BEND6: variants seen among roughly 807,000 people sequenced by gnomAD.
BEND6 encodes the protein BEN domain-containing protein 6.
BEND6 carries 24 observed loss-of-function variants against 31.8 expected under a neutral mutation model. That is an observed-to-expected ratio of 0.75 (90% confidence interval 0.55 to 1.06). BEND6 has a LOEUF of 1.06. Among genes scored for constraint, BEND6 ranks in the 50% least tolerant of loss-of-function variants. The probability of loss-of-function intolerance (pLI) is 0.00; values close to 1 mark genes in which losing one functional copy is unlikely to be tolerated. For synonymous variants in BEND6, 109 were observed against 114.6 expected, an observed-to-expected ratio of 0.95 and a Z score of 0.31; for missense variants, 294 against 327.4, an observed-to-expected ratio of 0.90 and a Z score of 0.79.
At chr6:57,014,072 G>T (rs1379458352) in intron 3 of BEND6, 1 of 155,008 alleles carries the variant, frequency 6.5e-6, no homozygotes, top group Admixed American at 6.5e-5. Flanking sequence ...TTGGATGAAA[G>T]AACATCAGTT....
chr6:57,000,049 G>A (rs1418042055), intron 3 of BEND6, among the ~76,000 whole-genome samples: 2 of 152,080 alleles, frequency 1.3e-5, no homozygotes, highest in Non-Finnish European at 2.9e-5. Flanking sequence ...GAGTGCCTCT[G>A]CCCGGCCGCC....
At chr6:57,021,941 T>C (rs1265131006) in intron 6 of BEND6, among the ~76,000 whole-genome samples, 1 of 152,190 alleles carries the variant, frequency 6.6e-6, no homozygotes, top group Admixed American at 6.5e-5. Context: ...GTGGTACTTC[T>C]GGCATCCGGT....
At position 57,018,431 on chromosome 6, in the gene BEND6, A is replaced by G; in HGVS notation, c.723A>G (p.Lys241=). ...NEVQEIIGVT[K]QLFPNTDDVS... ...ATTGGTTTTTTACAGGAGTAACAAA[A>G]CAATTATTTCCCAATACGGATGATG... The change falls in exon 6 of 7, where the codon AAA becomes AAG. Residue 241 remains lysine, a synonymous_variant. Coordinates refer to ENST00000370746, the MANE Select transcript of BEND6 (RefSeq NM_152731.3). 1 of 1,584,222 alleles carries G rather than the reference A, an allele frequency of 6.3e-7. No individual in the cohort carries two copies. The highest frequency in any genetic ancestry group is 2.3e-5 in the East Asian group (1 of 43,304).
chr6:56,972,691 A>G (rs1825731498), intron 1 of BEND6, among the ~76,000 whole-genome samples: 1 of 152,254 alleles, frequency 6.6e-6, no homozygotes, highest in Non-Finnish European at 1.5e-5. Context: ...TTAAGTTCTC[A>G]GTAGAAAACT....
chr6:57,017,275 A>G lies in BEND6; in HGVS notation c.588A>G (p.Leu196=). The change falls in exon 5 of 7, where the codon TTA becomes TTG. Residue 196 remains leucine (L), a synonymous_variant. Coordinates refer to ENST00000370746, the MANE Select transcript of BEND6 (RefSeq NM_152731.3). Reference sequence around the variant, plus strand: ...AGCCTCAGAAGTTTATTAATGATTTAATGCAAGTACTTTACACAAATGAAT... The same window carrying G: ...AGCCTCAGAAGTTTATTAATGATTTGATGCAAGTACTTTACACAAATGAAT... The part of the protein sequence containing the change: ...KSKPQKFIND[L]MQVLYTNEYM... 6.4e-7 allele frequency: 1 copy of G among 1,559,658 alleles called. No homozygotes were observed. Among genetic ancestry groups the G allele is most frequent in the Non-Finnish European group, 8.7e-7 (1 of 1,153,772 alleles).
At chr6:57,021,463 A>G (rs1272914552) in intron 6 of BEND6, among the ~76,000 whole-genome samples, 2 of 152,146 alleles carry the variant, frequency 1.3e-5, no homozygotes, top group African/African-American at 2.4e-5. Context: ...CTGGTGGCTT[A>G]GATTTAAAAG....
chr6:56,982,005 T>G (rs2127853034), intron 2 of BEND6, 75 bp downstream of exon 2: 2 of 1,409,468 alleles, frequency 1.4e-6, no homozygotes, highest in East Asian at 4.8e-5. Flanking sequence ...TCATAATTTA[T>G]TAGTGCTTCT....
rs1359134990 is a variant in BEND6 at position 57,026,780 on chromosome 6, C to A, written c.*708C>A. 1 of 152,236 alleles carries A rather than the reference C, an allele frequency of 6.6e-6. No homozygotes were observed. The highest frequency in any genetic ancestry group is 2.4e-5 in the African/African-American group (1 of 41,558). The allele number at this position is 152,236 out of a possible 1,614,324, so 9.4% of individuals were successfully genotyped here. ...ACCTAAGTTTTTGTGATTGTTAAAA[C>A]AATGCATCAATTTTCAGGGAAATCT... On this transcript the variant is annotated 3_prime_UTR_variant, in exon 7 of 7. Coordinates refer to ENST00000370746, the MANE Select transcript of BEND6 (RefSeq NM_152731.3).
intron 2 of BEND6, among the ~76,000 whole-genome samples, chr6:56,987,072 T>A (rs1292013094): frequency 6.7e-6 from 1 of 150,366 alleles, no homozygotes; most frequent in Non-Finnish European, 1.5e-5. Flanking sequence ...ACCTCCTGGG[T>A]TTTCAAACAA....
intron 1 of BEND6, among the ~76,000 whole-genome samples, chr6:56,959,967 C>G (rs558596250): frequency 6.6e-6 from 1 of 152,266 alleles, no homozygotes; most frequent in African/African-American, 2.4e-5. Flanking sequence ...GTGAGCATTA[C>G]AGACTTTTCA....
At chr6:56,983,686 A>G (rs894500865) in intron 2 of BEND6, among the ~76,000 whole-genome samples, 5 of 152,110 alleles carry the variant, frequency 3.3e-5, no homozygotes, top group Admixed American at 6.6e-5. Context: ...AAATATATTA[A>G]TTCTACTGTT....
intron 3 of BEND6, chr6:57,014,655 C>T: frequency 1.5e-6 from 1 of 683,708 alleles, no homozygotes; most frequent in Admixed American, 3.8e-5. Context: ...ATTTGACTCC[C>T]TTGTAAACCA....
chr6:56,978,385 T>C (rs1825962485), intron 1 of BEND6, among the ~76,000 whole-genome samples: 1 of 152,102 alleles, frequency 6.6e-6, no homozygotes, highest in Non-Finnish European at 1.5e-5. Flanking sequence ...TTTTAAAACA[T>C]TTTTCCCCTC....
chr6:56,989,082 A>G (rs1592994834), intron 2 of BEND6, among the ~76,000 whole-genome samples: 1 of 151,092 alleles, frequency 6.6e-6, no homozygotes, highest in African/African-American at 2.4e-5. Context: ...ATAAAAATAT[A>G]TACACAACTA....
Position 56,981,219 on chromosome 6 carries a change from C to T in BEND6, c.-100-492C>T, listed in dbSNP as rs541918755. ...TCTTATGGCACAATTCTTCAGTTTG[C>T]ACCAAGGAAAATCTTGCATTTCAAG... On this transcript the variant is annotated intron_variant, in intron 1 of 6. Transcript: ENST00000370746. 3.9e-5 allele frequency among the ~76,000 whole-genome samples: 6 copies of T among 152,186 alleles called. 1 individual carries two copies. Among genetic ancestry groups the T allele is most frequent in the African/African-American group, 1.4e-4 (6 of 41,520 alleles).
At chr6:56,985,550 G>T (rs1826231623) in intron 2 of BEND6, among the ~76,000 whole-genome samples, 1 of 152,132 alleles carries the variant, frequency 6.6e-6, no homozygotes, top group South Asian at 2.1e-4. Flanking sequence ...GTTCTTTTAA[G>T]GTTATCAACA....
At chr6:56,971,299 C>A (rs1825680337) in intron 1 of BEND6, among the ~76,000 whole-genome samples, 1 of 152,176 alleles carries the variant, frequency 6.6e-6, no homozygotes, top group South Asian at 2.1e-4. Flanking sequence ...TATAGAACAT[C>A]AGAATTTCCT....
intron 1 of BEND6, among the ~76,000 whole-genome samples, chr6:56,967,659 T>C (rs1336699921): frequency 6.6e-6 from 1 of 151,872 alleles, no homozygotes. Flanking sequence ...TAATAAACAC[T>C]GATGAACAAG....
intron 3 of BEND6, among the ~76,000 whole-genome samples, chr6:57,007,777 G>T (rs933297041): frequency 6.6e-6 from 1 of 151,944 alleles, no homozygotes; most frequent in African/African-American, 2.4e-5. Context: ...CCGGAACCAA[G>T]CTGGGTCCAG....
Sources: gnomAD v4.1 joint callset for allele counts (sites outside exome capture counted in the v4.1 genomes callset) on GRCh38, gnomAD v4.1.1 for gene constraint, MANE v1.5 for transcripts, NCBI Gene and HGNC (gene_info 2026-07-23, HGNC 2026-07-21) for gene names.